The following PTPN9 variants were observed in gnomAD, a reference collection of about 807,000 sequenced individuals.
PTPN9 encodes protein tyrosine phosphatase non-receptor type 9.
Under a neutral mutation model 69.8 loss-of-function variants are expected in PTPN9, and 26 were observed. That is an observed-to-expected ratio of 0.37 (90% CI 0.27 to 0.52). The LOEUF (loss-of-function observed/expected upper bound fraction) is 0.52. PTPN9 is among the 20% of genes least tolerant of loss of function. The pLI is 0.91. For missense variants in PTPN9, 549 were observed against 740.3 expected (o/e 0.74, Z 3.00); for synonymous variants, 274 against 272.5 (o/e 1.01, Z -0.05).
intron 9 of PTPN9, among the ~76,000 whole-genome samples, chr15:75,475,297 C>T (rs531504092): frequency 2.6e-5 from 4 of 152,158 alleles, no homozygotes; most frequent in South Asian, 2.1e-4. Flanking sequence ...AGACAGTAAC[C>T]GGCCGGGCGC....
rs1020419288 is a variant in PTPN9, at chr15:75,494,241, A to G, written c.969-3940T>C. ...AAGAAATCATTTAAAACACAGTGTA[A>G]TAAGAAAAGCCCTAGAACTAAATAA... On this transcript the variant is annotated intron_variant, in intron 7 of 12. Coordinates refer to ENST00000618819, the MANE Select transcript of PTPN9 (RefSeq NM_002833.4). Among the ~76,000 whole-genome samples, 8 of 151,722 alleles carry G rather than the reference A, an allele frequency of 5.3e-5. No homozygotes were observed. The East Asian group carries it at 1.3e-3, about 26-fold the overall frequency.
intron 8 of PTPN9, among the ~76,000 whole-genome samples, chr15:75,482,551 C>G (rs1214627599): frequency 8.1e-5 from 9 of 111,292 alleles, no homozygotes; most frequent in African/African-American, 2.6e-4. Context: ...GGCGACAGAG[C>G]GAGACTCCGT....
chr15:75,508,569 T>C (rs1231522609), intron 6 of PTPN9, among the ~76,000 whole-genome samples: 7 of 152,208 alleles, frequency 4.6e-5, no homozygotes, highest in Non-Finnish European at 1.0e-4. Context: ...AGCTGTTAAA[T>C]ATTAAAGGCC....
intron 1 of PTPN9, among the ~76,000 whole-genome samples, chr15:75,527,610 T>A (rs1292208828): frequency 2.0e-5 from 3 of 152,066 alleles, no homozygotes; most frequent in Non-Finnish European, 2.9e-5. Flanking sequence ...GGCCACACTT[T>A]GGGAGGTAGA....
In PTPN9 at chr15:75,524,305, A is replaced by G; in HGVS notation, c.208-7T>C. ...CTTCCTTCCTTCGAGTTTCCTAAAA[A>G]GGAAGCACAGCAAAATGTATTAATA... On this transcript the variant is annotated splice_region_variant and splice_polypyrimidine_tract_variant and intron_variant, in intron 2 of 12. Coordinates refer to ENST00000618819, the MANE Select transcript of PTPN9 (RefSeq NM_002833.4). 1 of 1,572,582 alleles carries G rather than the reference A, an allele frequency of 6.4e-7. No homozygotes were observed. Among genetic ancestry groups the G allele is most frequent in the Non-Finnish European group, 8.8e-7 (1 of 1,142,844 alleles).
At chr15:75,488,613 C>T (rs1411625383) in intron 8 of PTPN9, among the ~76,000 whole-genome samples, 1 of 150,738 alleles carries the variant, frequency 6.6e-6, no homozygotes, top group African/African-American at 2.4e-5. Context: ...CACAGCGAGA[C>T]CCTAGGTCTA....
chr15:75,547,657 G>C (rs978176100), intron 1 of PTPN9, among the ~76,000 whole-genome samples: 2 of 147,452 alleles, frequency 1.4e-5, no homozygotes, highest in Non-Finnish European at 3.0e-5. Flanking sequence ...ATATTTACTG[G>C]ATATAGGGTT....
chr15:75,510,169 C>T (rs1033960969), intron 5 of PTPN9, among the ~76,000 whole-genome samples: 1 of 152,108 alleles, frequency 6.6e-6, no homozygotes, highest in African/African-American at 2.4e-5. Flanking sequence ...TCCTCATCCA[C>T]ACAAGATATA....
rs1294857199 is a variant in PTPN9, at chr15:75,485,936, T to TAA, written c.1062+4270_1062+4271dup. Among the ~76,000 whole-genome samples, 9 of 150,512 alleles carry TAA rather than the reference T, an allele frequency of 6.0e-5. No individual in the cohort carries two copies. The East Asian group carries it at 1.2e-3, about 20-fold the overall frequency. On this transcript the variant is annotated intron_variant, in intron 8 of 12. Coordinates refer to ENST00000618819, the MANE Select transcript of PTPN9 (RefSeq NM_002833.4). ...TAACAAGGTGAAACCCCATCTCTAC[T>TAA]AAAAATACAAAAAATTAGCTGGGTG...
chr15:75,483,116 T>C (rs1296253533), intron 8 of PTPN9, among the ~76,000 whole-genome samples: 3 of 152,192 alleles, frequency 2.0e-5, no homozygotes. Flanking sequence ...GTGTAAACCC[T>C]CCTTATACAT....
intron 1 of PTPN9, among the ~76,000 whole-genome samples, chr15:75,566,241 C>CTAG (rs1281174940): frequency 6.6e-6 from 1 of 151,568 alleles, no homozygotes; most frequent in African/African-American, 2.4e-5. Context: ...CCCAAAAGGC[C>CTAG]TAGGTTTTAC....
rs1000903228 is a variant in PTPN9, at chr15:75,466,645, T to A, written c.*2124A>T. 1.3e-5 allele frequency: 2 copies of A among 152,170 alleles called. No individual in the cohort carries two copies. Among genetic ancestry groups the A allele is most frequent in the African/African-American group, 2.4e-5 (1 of 41,440 alleles). The allele number at this position is 152,170 out of a possible 1,614,324, so 9.4% of individuals were successfully genotyped here. A position where few individuals can be genotyped will look rare whatever the true frequency, so the allele number is the denominator to read the frequency against. On this transcript the variant is annotated 3_prime_UTR_variant, in exon 13 of 13. Coordinates refer to ENST00000618819, the MANE Select transcript of PTPN9 (RefSeq NM_002833.4). ...ACAACAACCTGGAATTTAAGAACTT[T>A]TTTTACTCTGAAAGGAGAGCTAAAC... is the stretch of plus-strand genomic sequence containing the variant.
intron 8 of PTPN9, 105 bp downstream of exon 8, chr15:75,490,103 G>T: frequency 2.1e-6 from 2 of 934,366 alleles, no homozygotes; most frequent in Non-Finnish European, 1.7e-6. Flanking sequence ...TAATCTCTCT[G>T]GCCTCGGAGT....
intron 1 of PTPN9, among the ~76,000 whole-genome samples, chr15:75,533,572 A>G (rs972834282): frequency 6.6e-6 from 1 of 152,014 alleles, no homozygotes; most frequent in African/African-American, 2.4e-5. Flanking sequence ...CAAGGGTAAG[A>G]TTTGTTCCTG....
chr15:75,571,411 T>C (rs1346069622), intron 1 of PTPN9, among the ~76,000 whole-genome samples: 1 of 151,748 alleles, frequency 6.6e-6, no homozygotes, highest in Non-Finnish European at 1.5e-5. Flanking sequence ...ACTTTAAGAA[T>C]TTTCAAAAAA....
intron 1 of PTPN9, among the ~76,000 whole-genome samples, chr15:75,538,795 GTAT>G (rs1405521847): frequency 2.0e-5 from 3 of 152,052 alleles, no homozygotes; most frequent in Non-Finnish European, 4.4e-5. Flanking sequence ...TAAGCAAAAA[GTAT>G]TATAGGAATT....
chr15:75,498,532 T>C (rs1281081921), intron 7 of PTPN9, among the ~76,000 whole-genome samples: 3 of 151,944 alleles, frequency 2.0e-5, no homozygotes, highest in African/African-American at 7.2e-5. Context: ...CTGGCCAACA[T>C]GGTGAAACCC....
At chr15:75,554,456 A>C (rs1391353837) in intron 1 of PTPN9, among the ~76,000 whole-genome samples, 1 of 151,816 alleles carries the variant, frequency 6.6e-6, no homozygotes, top group Non-Finnish European at 1.5e-5. Context: ...AGCCTTCCCA[A>C]GTGCCAGAAT....
intron 7 of PTPN9, among the ~76,000 whole-genome samples, chr15:75,491,502 C>T (rs1483507450): frequency 6.6e-6 from 1 of 152,068 alleles, no homozygotes; most frequent in Non-Finnish European, 1.5e-5. Context: ...AAGTGGGGTG[C>T]TTCTGTAACA....
Sources: gnomAD v4.1 joint callset for allele counts (sites outside exome capture counted in the v4.1 genomes callset) on GRCh38, gnomAD v4.1.1 for gene constraint, MANE v1.5 for transcripts, NCBI Gene and HGNC (gene_info 2026-07-23, HGNC 2026-07-21) for gene names.